The following FRY variants were observed in gnomAD, a reference collection of about 807,000 sequenced individuals.
FRY encodes FRY microtubule binding protein.
A neutral mutation model predicts 348.4 loss-of-function variants in FRY; 128 were observed. The ratio of observed to expected loss-of-function variants is 0.37; its 90% CI spans 0.32 to 0.43. The LOEUF is 0.43. Ranked by LOEUF, FRY falls within the 20% of genes least tolerant of loss-of-function variation. The pLI is 1.00. For synonymous variants in FRY, 1,370 were observed against 1,374.7 expected (o/e 1.00, Z 0.08); for missense variants, 2,736 against 3,695.2 (o/e 0.74, Z 6.73).
At chr13:32,132,462 A>T (rs1394933201) in intron 8 of FRY, among the ~76,000 whole-genome samples, 1 of 152,148 alleles carries the variant, frequency 6.6e-6, no homozygotes, top group Non-Finnish European at 1.5e-5. Flanking sequence ...GATTATGAAT[A>T]TAGGCTGTAC....
intron 20 of FRY, among the ~76,000 whole-genome samples, chr13:32,177,765 A>G (rs1882458775): frequency 6.6e-6 from 1 of 152,212 alleles, no homozygotes; most frequent in Non-Finnish European, 1.5e-5. Flanking sequence ...AGAACGTGTT[A>G]ATTACAATGA....
At chr13:32,097,321 AAAG>A (rs1876803295) in intron 2 of FRY, among the ~76,000 whole-genome samples, 1 of 151,678 alleles carries the variant, frequency 6.6e-6, no homozygotes, top group Non-Finnish European at 1.5e-5. Flanking sequence ...AGTATGTATA[AAAG>A]AAGTATTTTT....
At chr13:32,222,607 G>C (rs1192732107) in intron 36 of FRY, among the ~76,000 whole-genome samples, 1 of 152,228 alleles carries the variant, frequency 6.6e-6, no homozygotes, top group African/African-American at 2.4e-5. Context: ...TGCAAGAGAG[G>C]ATGGTGGCTT....
chr13:32,074,216 A>C (rs1410403139), intron 1 of FRY, among the ~76,000 whole-genome samples: 1 of 152,230 alleles, frequency 6.6e-6, no homozygotes, highest in Non-Finnish European at 1.5e-5. Context: ...ACACGGGAAA[A>C]CACTTCCTGA....
chr13:32,169,435 A>C (rs906185724), intron 17 of FRY, among the ~76,000 whole-genome samples: 1 of 152,208 alleles, frequency 6.6e-6, no homozygotes, highest in Non-Finnish European at 1.5e-5. Flanking sequence ...CCCTCACGAC[A>C]GGTTTATGGA....
chr13:32,190,180 C>T (rs1476960499), intron 28 of FRY, among the ~76,000 whole-genome samples: 3 of 149,588 alleles, frequency 2.0e-5, no homozygotes, highest in Middle Eastern at 3.5e-3. Context: ...AAAAAAAAAA[C>T]ACCCTATGAG....
intron 47 of FRY, among the ~76,000 whole-genome samples, chr13:32,246,706 T>C (rs1886824112): frequency 6.6e-6 from 1 of 152,096 alleles, no homozygotes; most frequent in Non-Finnish European, 1.5e-5. Flanking sequence ...AAGGGGCCAT[T>C]GAGATAGTCC....
intron 1 of FRY, among the ~76,000 whole-genome samples, chr13:32,032,816 A>C (rs946126177): frequency 6.6e-6 from 1 of 152,232 alleles, no homozygotes; most frequent in Non-Finnish European, 1.5e-5. Context: ...TTAAATAAAA[A>C]AATTTTTTCC....
chr13:32,129,932 A>G (rs1185159642), intron 7 of FRY, among the ~76,000 whole-genome samples: 1 of 151,756 alleles, frequency 6.6e-6, no homozygotes, highest in African/African-American at 2.4e-5. Context: ...CAATGTCTCT[A>G]TGTTTACTGC....
chr13:32,196,115 A>C (rs1398304940), intron 29 of FRY, among the ~76,000 whole-genome samples: 2 of 152,182 alleles, frequency 1.3e-5, no homozygotes, highest in Admixed American at 6.5e-5. Flanking sequence ...GTCTTCTGTA[A>C]GTTTGCTTCT....
chr13:32,069,791 G>A (rs932929934), intron 1 of FRY, among the ~76,000 whole-genome samples: 4 of 152,054 alleles, frequency 2.6e-5, no homozygotes, highest in African/African-American at 9.7e-5. Context: ...GTATACATGC[G>A]CCATGTTGGT....
chr13:32,275,661 G>A (rs982143762), intron 56 of FRY, among the ~76,000 whole-genome samples: 5 of 152,278 alleles, frequency 3.3e-5, no homozygotes, highest in Admixed American at 6.5e-5. Flanking sequence ...TTGCCCAGTC[G>A]GATGGGTCTT....
rs550335599 is a variant in FRY, at chr13:32,198,752, G to A, written c.3747-3189G>A. Among the ~76,000 whole-genome samples, 8 of 152,156 alleles carry A rather than the reference G, an allele frequency of 5.3e-5. No individual in the cohort carries two copies. In the East Asian group the frequency reaches 1.2e-3, roughly 22 times the overall value. On this transcript the variant is annotated intron_variant, in intron 29 of 60. Transcript: ENST00000542859. ...ATCATCATCACCACCATCATCTGGC[G>A]GTAGTTCCCCAGTTTTTCATCAGAC...
At chr13:32,062,805 G>GA (rs1271369210) in intron 1 of FRY, among the ~76,000 whole-genome samples, 1 of 151,980 alleles carries the variant, frequency 6.6e-6, no homozygotes, top group East Asian at 1.9e-4. Flanking sequence ...CACTGTACTA[G>GA]AAGCCCTTTG....
chr13:32,239,887 CT>C lies in FRY; in HGVS notation c.6687+17del, dbSNP rs568765803. ...TGGTTACCTACCTGGCAGAGGTAAG[CT>C]TTTTTTTTTTGTTTTTTGAGACAGG... On this transcript the variant is annotated splice_region_variant and intron_variant, in intron 46 of 60. Transcript: ENST00000542859. The surrounding 1 kb of genome is among the most constrained non-coding windows in gnomAD (Gnocchi z 4.3). The C allele has an allele frequency of 0.072, 66,154 of 919,156 alleles. 1 individual carries two copies. Among genetic ancestry groups the C allele is most frequent in the East Asian group, 0.098 (2,243 of 22,870 alleles). The allele number at this position is 919,156 out of a possible 1,614,324, so 56.9% of individuals were successfully genotyped here. A position where few individuals can be genotyped will look rare whatever the true frequency, so the allele number is the denominator to read the frequency against.
chr13:32,246,183 C>G (rs1332303895), intron 47 of FRY, among the ~76,000 whole-genome samples: 1 of 152,238 alleles, frequency 6.6e-6, no homozygotes, highest in African/African-American at 2.4e-5. Flanking sequence ...TATCTTAACT[C>G]AAATAGTAGC....
intron 51 of FRY, among the ~76,000 whole-genome samples, chr13:32,256,059 A>G (rs1593808426): frequency 6.6e-6 from 1 of 152,354 alleles, no homozygotes; most frequent in Non-Finnish European, 1.5e-5. Context: ...TTTAGTTTCT[A>G]TCAAAATAAA....
Position 32,298,334 on chromosome 13 carries a change from T to G in FRY, c.*2874T>G, listed in dbSNP as rs1216962639. ...ACAACAAAAAATTCGTGTCCATAGG[T>G]GAGTATTAGGGTATGTTCATTGTAT... On this transcript the variant is annotated 3_prime_UTR_variant, in exon 61 of 61. Coordinates refer to ENST00000542859, the MANE Select transcript of FRY (RefSeq NM_023037.3). 2.6e-5 allele frequency: 4 copies of G among 152,142 alleles called. No homozygotes were observed. The highest frequency in any genetic ancestry group is 5.9e-5 in the Non-Finnish European group (4 of 68,024). 9.4% of individuals were successfully genotyped at this position (152,142 alleles called of 1,614,324 possible). A position where few individuals can be genotyped will look rare whatever the true frequency, so the allele number is the denominator to read the frequency against.
chr13:32,144,808 G>A (rs1372313199), intron 11 of FRY, among the ~76,000 whole-genome samples: 1 of 151,974 alleles, frequency 6.6e-6, no homozygotes, highest in African/African-American at 2.4e-5. Flanking sequence ...TTTTTTCAGA[G>A]AACCTATCAT....
Sources: allele counts gnomAD v4.1 joint callset (sites outside exome capture counted in the v4.1 genomes callset), GRCh38; gene constraint gnomAD v4.1.1; non-coding constraint Gnocchi (gnomAD v3.1); transcripts MANE v1.5; gene names NCBI Gene and HGNC (gene_info 2026-07-23, HGNC 2026-07-21).